The following ROBO2 variants were observed in gnomAD, a reference collection of about 807,000 sequenced individuals.
ROBO2 encodes the protein roundabout guidance receptor 2, also known as roundabout homolog 2.
In ROBO2, 53 loss-of-function variants were observed where a neutral mutation model predicts 160.8. The observed-to-expected ratio is 0.33, with a 90% confidence interval of 0.26 to 0.41. ROBO2 has a LOEUF of 0.41. Among genes scored for constraint, ROBO2 ranks in the 10% least tolerant of loss-of-function variants. The probability of loss-of-function intolerance (pLI) is 1.00; values close to 1 mark genes in which losing one functional copy is unlikely to be tolerated. For missense variants in ROBO2, 1,577 were observed against 1,722.4 expected (o/e 0.92, Z 1.49); for synonymous variants, 664 against 611.7 (o/e 1.09, Z -1.26).
At chr3:77,627,741 G>A (rs1044597596) in intron 23 of ROBO2, among the ~76,000 whole-genome samples, 2 of 152,126 alleles carry the variant, frequency 1.3e-5, no homozygotes, top group Non-Finnish European at 2.9e-5. Flanking sequence ...TTAATAGGTA[G>A]ACAAATAACA....
At chr3:76,843,609 G>A (rs1173508780) in intron 2 of ROBO2, among the ~76,000 whole-genome samples, 2 of 152,000 alleles carry the variant, frequency 1.3e-5, no homozygotes, top group Non-Finnish European at 2.9e-5. Flanking sequence ...GTACTTTCAA[G>A]ATTTGATGGA....
intron 2 of ROBO2, among the ~76,000 whole-genome samples, chr3:76,527,775 G>A (rs2082024367): frequency 6.6e-6 from 1 of 152,210 alleles, no homozygotes; most frequent in Non-Finnish European, 1.5e-5. Context: ...GCAGAAAACA[G>A]AGTAACAGGT....
chr3:76,285,142 T>G (rs2107682364), intron 2 of ROBO2, among the ~76,000 whole-genome samples: 1 of 152,298 alleles, frequency 6.6e-6, no homozygotes, highest in Non-Finnish European at 1.5e-5. Context: ...AATTTATTTT[T>G]TTATTATTTC....
At chr3:76,382,568 CAG>C (rs1476312306) in intron 2 of ROBO2, among the ~76,000 whole-genome samples, 2 of 152,218 alleles carry the variant, frequency 1.3e-5, no homozygotes, top group Admixed American at 6.5e-5. Context: ...GCCTGGGCGA[CAG>C]AGCGAGACTC....
chr3:77,346,498 A>G (rs2153454919), intron 2 of ROBO2, among the ~76,000 whole-genome samples: 1 of 152,322 alleles, frequency 6.6e-6, no homozygotes, highest in Middle Eastern at 3.4e-3. Context: ...ACTTGCTGTC[A>G]CAAACTTAGT....
intron 2 of ROBO2, among the ~76,000 whole-genome samples, chr3:76,132,447 C>G (rs562759936): frequency 7.0e-6 from 1 of 143,246 alleles, no homozygotes; most frequent in South Asian, 2.2e-4. Flanking sequence ...GTCCAAATGG[C>G]TTAGGCACAG....
rs1581958651 is a variant in ROBO2 at position 77,440,069 on chromosome 3, C to T, written c.389-37345C>T. 2.0e-5 allele frequency among the ~76,000 whole-genome samples: 3 copies of T among 152,234 alleles called. No homozygotes were observed. In the East Asian group the frequency reaches 5.8e-4, roughly 29 times the overall value. On this transcript the variant is annotated intron_variant, in intron 2 of 25. Coordinates refer to ENST00000461745, the Ensembl canonical transcript of ROBO2. Reference sequence around the variant, plus strand: ...TTATATATATGCTCAGTGTGAGAAACAGGATATAAATGTAGCTAAAACACA... The same window carrying T: ...TTATATATATGCTCAGTGTGAGAAATAGGATATAAATGTAGCTAAAACACA...
At chr3:77,174,357 GTTTTC>G (rs2079930402) in intron 2 of ROBO2, among the ~76,000 whole-genome samples, 1 of 151,766 alleles carries the variant, frequency 6.6e-6, no homozygotes, top group African/African-American at 2.4e-5. Flanking sequence ...AAAAAAAAGA[GTTTTC>G]TTTATACAAT....
At chr3:77,179,463 G>GA (rs1443382406) in intron 2 of ROBO2, among the ~76,000 whole-genome samples, 2 of 149,980 alleles carry the variant, frequency 1.3e-5, no homozygotes, top group Non-Finnish European at 3.0e-5. Flanking sequence ...ATTTTGTTTT[G>GA]AAAAAAAATA....
intron 2 of ROBO2, among the ~76,000 whole-genome samples, chr3:76,017,600 T>G (rs2066439915): frequency 6.6e-6 from 1 of 152,126 alleles, no homozygotes; most frequent in Non-Finnish European, 1.5e-5. Flanking sequence ...AGATATTGTT[T>G]TCTAAGGCTA....
chr3:76,971,340 A>G (rs1003219017), intron 2 of ROBO2, among the ~76,000 whole-genome samples: 1 of 152,194 alleles, frequency 6.6e-6, no homozygotes, highest in Non-Finnish European at 1.5e-5. Flanking sequence ...GAATAAAAAT[A>G]TACTAAACAT....
intron 2 of ROBO2, among the ~76,000 whole-genome samples, chr3:76,351,062 T>C (rs2074842410): frequency 6.6e-6 from 1 of 152,056 alleles, no homozygotes; most frequent in East Asian, 1.9e-4. Context: ...TGTTTTTAAG[T>C]TAATTTTTAC....
chr3:77,399,631 A>C (rs2075611971), intron 2 of ROBO2, among the ~76,000 whole-genome samples: 1 of 152,088 alleles, frequency 6.6e-6, no homozygotes, highest in South Asian at 2.1e-4. Flanking sequence ...AAGTAAATTG[A>C]TTTAATTGGT....
chr3:76,035,914 A>C (rs559775681), intron 2 of ROBO2, among the ~76,000 whole-genome samples: 1 of 152,064 alleles, frequency 6.6e-6, no homozygotes, highest in South Asian at 2.1e-4. Context: ...CCACCTTTTC[A>C]TGGAAAAACG....
intron 2 of ROBO2, among the ~76,000 whole-genome samples, chr3:76,931,554 CAT>C (rs202088098): frequency 5.3e-5 from 8 of 151,650 alleles, no homozygotes; most frequent in Middle Eastern, 3.2e-3. Context: ...TTATAAGACA[CAT>C]ACACACACAC....
intron 2 of ROBO2, among the ~76,000 whole-genome samples, chr3:77,033,208 C>A (rs1208506928): frequency 2.6e-5 from 4 of 152,130 alleles, no homozygotes; most frequent in African/African-American, 9.7e-5. Flanking sequence ...TCTCAGTATT[C>A]TCTATTGTGT....
At chr3:77,008,096 A>C (rs2061676609) in intron 2 of ROBO2, among the ~76,000 whole-genome samples, 1 of 152,030 alleles carries the variant, frequency 6.6e-6, no homozygotes, top group Admixed American at 6.6e-5. Context: ...CAAGTTTCTG[A>C]TGCTTCATGC....
intron 2 of ROBO2, among the ~76,000 whole-genome samples, chr3:76,581,788 A>G (rs2085720375): frequency 6.6e-6 from 1 of 152,204 alleles, no homozygotes; most frequent in Admixed American, 6.5e-5. Context: ...CAGAAGATTA[A>G]CTGAAAGAGG....
At chr3:77,140,828 C>G (rs1330069266) in intron 2 of ROBO2, among the ~76,000 whole-genome samples, 1 of 152,104 alleles carries the variant, frequency 6.6e-6, no homozygotes, top group Non-Finnish European at 1.5e-5. Context: ...TTTTTAGGGG[C>G]TTTCTGTTTC....
Sources: gnomAD v4.1 joint callset for allele counts (sites outside exome capture counted in the v4.1 genomes callset) on GRCh38, gnomAD v4.1.1 for gene constraint, MANE v1.5 for transcripts, NCBI Gene and HGNC (gene_info 2026-07-23, HGNC 2026-07-21) for gene names.